Variants in NIPBL observed in about 807,000 individuals in gnomAD.
NIPBL encodes nipped-B-like protein.
NIPBL carries 19 observed loss-of-function variants against 321.8 expected under a neutral mutation model. The observed-to-expected ratio is 0.06, with a 90% CI of 0.04 to 0.09. The LOEUF is 0.09. Ranked by LOEUF, NIPBL falls within the 10% of genes least tolerant of loss-of-function variation. The pLI is 1.00. For missense variants in NIPBL, 2,210 were observed against 3,327.0 expected (o/e 0.66, Z 8.26); for synonymous variants, 1,106 against 1,114.1 (o/e 0.99, Z 0.14).
At chr5:36,939,969 G>A (rs946844393) in intron 1 of NIPBL, among the ~76,000 whole-genome samples, 4 of 152,138 alleles carry the variant, frequency 2.6e-5, no homozygotes, top group Admixed American at 6.6e-5. Context: ...ACCATAGCAC[G>A]AATAAAGCAG....
rs987497142 is a variant in NIPBL at position 36,939,556 on chromosome 5, T to A, written c.-79-14062T>A. ...TAACCATTCTGCATTGAAGGACATT[T>A]GTTTCCAGCTTTTCGCTATTATGAA... On this transcript the variant is annotated intron_variant, in intron 1 of 46. Transcript: ENST00000282516. 3.9e-5 allele frequency among the ~76,000 whole-genome samples: 6 copies of A among 152,362 alleles called. No homozygotes were observed. In the East Asian group the frequency reaches 1.2e-3, roughly 29 times the overall value.
intron 4 of NIPBL, among the ~76,000 whole-genome samples, chr5:36,958,792 T>C (rs1194078525): frequency 6.6e-6 from 1 of 152,208 alleles, no homozygotes; most frequent in Non-Finnish European, 1.5e-5. Context: ...AGCATTGTTC[T>C]GTTCAAGCTT....
rs755606647 is a variant in NIPBL, at chr5:37,051,862, C to G, written c.7038C>G (p.Asp2346Glu). 1 of 1,612,642 alleles carries G rather than the reference C, an allele frequency of 6.2e-7. No individual in the cohort carries two copies. Among genetic ancestry groups the G allele is most frequent in the East Asian group, 2.2e-5 (1 of 44,856 alleles). Reference sequence around the variant, plus strand: ...CTGATCAGCAACTTGTGGAAATAGACAAAAAATATGCTGGATTCATTCATG... The same window carrying G: ...CTGATCAGCAACTTGTGGAAATAGAGAAAAAATATGCTGGATTCATTCATG... The part of the protein sequence containing the change: ...NKADQQLVEI[D>E]KKYAGFIHMK... The change falls in exon 41 of 47, where the codon GAC (aspartate) becomes GAG (glutamate). Residue 2346 changes from aspartate (D) to glutamate (E), a missense_variant. Asp to Glu is a conservative substitution (Grantham distance 45). Transcript: ENST00000282516.
intron 1 of NIPBL, among the ~76,000 whole-genome samples, chr5:36,912,055 A>G (rs1748090688): frequency 6.6e-6 from 1 of 152,232 alleles, no homozygotes; most frequent in African/African-American, 2.4e-5. Flanking sequence ...AACTGTACAG[A>G]TAGTAACACC....
Position 37,019,327 on chromosome 5 carries a change from A to T in NIPBL, c.4937A>T (p.Asp1646Val). The T allele has an allele frequency of 6.2e-7, 1 of 1,611,786 alleles. No homozygotes were observed. Among genetic ancestry groups the T allele is most frequent in the East Asian group, 2.2e-5 (1 of 44,760 alleles). Reference protein sequence around the residue: ...RILKQVSGGEDEIQQLQKALL... With the variant: ...RILKQVSGGEVEIQQLQKALL... ...ATTCTATAGGTTTCAGGAGGGGAAG[A>T]TGAAATCCAACAATTACAAAAAGCA... Residue 1646 changes from aspartate (D) to valine (V), a missense_variant, in exon 25 of 47, where the codon GAT (aspartate) becomes GTT (valine). Physicochemically the swap from Asp to Val is radical, Grantham distance 152. Around this residue, in one of 14 missense-constraint regions of NIPBL, gnomAD observed 138 missense variants for 175.8 expected, o/e 0.79. Coordinates refer to ENST00000282516, the MANE Select transcript of NIPBL (RefSeq NM_133433.4).
chr5:36,942,432 T>TAAA (rs33935189), intron 1 of NIPBL, among the ~76,000 whole-genome samples: 5,571 of 59,654 alleles, frequency 0.093, 375 homozygotes, highest in East Asian at 0.2. Flanking sequence ...ACTCTGTCTT[T>TAAA]AAAAAAAAAA....
At chr5:36,956,333 C>G (rs1234459819) in intron 3 of NIPBL, among the ~76,000 whole-genome samples, 1 of 152,068 alleles carries the variant, frequency 6.6e-6, no homozygotes, top group Non-Finnish European at 1.5e-5. Context: ...CCTTCATATT[C>G]CACCACACAA....
chr5:37,050,479 C>CA (rs370627067), intron 40 of NIPBL, among the ~76,000 whole-genome samples: 15,531 of 81,940 alleles, frequency 0.19, 1,018 homozygotes, highest in Admixed American at 0.28. Context: ...GACTCCATCT[C>CA]AAAAAAAAAA....
chr5:37,026,014 C>T (rs904826299), intron 30 of NIPBL, among the ~76,000 whole-genome samples: 3 of 151,828 alleles, frequency 2.0e-5, no homozygotes, highest in Non-Finnish European at 4.4e-5. Flanking sequence ...ATCACCCATT[C>T]GTATTGTTTA....
chr5:36,981,849 A>G (rs1744181497), intron 9 of NIPBL, among the ~76,000 whole-genome samples: 1 of 151,784 alleles, frequency 6.6e-6, no homozygotes, highest in South Asian at 2.1e-4. Context: ...ACCTACTGTC[A>G]TTTGGAATAA....
At chr5:36,984,440 T>C (rs1411111075) in intron 9 of NIPBL, among the ~76,000 whole-genome samples, 1 of 152,144 alleles carries the variant, frequency 6.6e-6, no homozygotes, top group African/African-American at 2.4e-5. Context: ...TTAAAGAGTA[T>C]GCAGTTAAAT....
At chr5:36,961,251 T>A (rs866020024) in intron 4 of NIPBL, among the ~76,000 whole-genome samples, 28 of 152,218 alleles carry the variant, frequency 1.8e-4, no homozygotes, top group Admixed American at 9.2e-4. Context: ...TAAATTTTTT[T>A]AAAATATTAT....
chr5:36,908,740 T>C (rs1275926384), intron 1 of NIPBL, among the ~76,000 whole-genome samples: 1 of 152,130 alleles, frequency 6.6e-6, no homozygotes, highest in Non-Finnish European at 1.5e-5. Flanking sequence ...GCATTAAATC[T>C]TGGAAAGCAA....
At chr5:36,905,686 T>G (rs1747576119) in intron 1 of NIPBL, among the ~76,000 whole-genome samples, 1 of 152,126 alleles carries the variant, frequency 6.6e-6, no homozygotes, top group Admixed American at 6.5e-5. Flanking sequence ...GCGCAATATT[T>G]CTGAAATTTA....
At position 36,975,888 on chromosome 5, in the gene NIPBL, G is replaced by A; in HGVS notation, c.981G>A (p.Lys327=). 1 of 1,611,940 alleles carries A rather than the reference G, an allele frequency of 6.2e-7. No homozygotes were observed. The highest frequency in any genetic ancestry group is 8.5e-7 in the Non-Finnish European group (1 of 1,179,098). The part of the protein sequence containing the change: ...DSPERKQKKQ[K]KMKLGKDEKE... Reference sequence around the variant, plus strand: ...CAGAAAGAAAACAAAAGAAGCAGAAGAAAATGAAATTAGGCAAGGATGAAA... The same window carrying A: ...CAGAAAGAAAACAAAAGAAGCAGAAAAAAATGAAATTAGGCAAGGATGAAA... The change falls in exon 9 of 47, where the codon AAG becomes AAA. Residue 327 remains lysine, a synonymous_variant. Transcript: ENST00000282516.
In NIPBL at chr5:37,036,473, A is replaced by G; in HGVS notation, c.5957A>G (p.Glu1986Gly). The change falls in exon 33 of 47, where the codon GAG becomes GGG. Residue 1986 changes from glutamate to glycine, a missense_variant. This residue lies in a region of NIPBL where 69 missense variants were observed against 100.8 expected (regional missense o/e 0.68). Transcript: ENST00000282516. ...CTAGTTGAGCACATTCTTAAATATG[A>G]GGAATCTCTAGCTGGTAAGACATTT... Reference protein sequence around the residue: ...DNLVEHILKYEESLADSDNKG... With the variant: ...DNLVEHILKYGESLADSDNKG... 7.2e-7 allele frequency: 1 copy of G among 1,393,922 alleles called. No individual in the cohort carries two copies. Among genetic ancestry groups the G allele is most frequent in the Non-Finnish European group, 9.7e-7 (1 of 1,033,528 alleles). The allele number at this position is 1,393,922 out of a possible 1,614,324, so 86.3% of individuals were successfully genotyped here.
intron 45 of NIPBL, among the ~76,000 whole-genome samples, chr5:37,061,485 C>G (rs554554837): frequency 3.3e-5 from 5 of 152,252 alleles, no homozygotes; most frequent in African/African-American, 1.2e-4. Flanking sequence ...TGAGACCAGC[C>G]TGGGCAACAT....
chr5:36,901,130 G>A (rs1747176125), intron 1 of NIPBL, among the ~76,000 whole-genome samples: 1 of 152,130 alleles, frequency 6.6e-6, no homozygotes, highest in Non-Finnish European at 1.5e-5. Context: ...GGTGTCTCTT[G>A]TTTCCTTCTT....
At chr5:36,878,677 G>T (rs1745278517) in intron 1 of NIPBL, among the ~76,000 whole-genome samples, 1 of 152,166 alleles carries the variant, frequency 6.6e-6, no homozygotes, top group South Asian at 2.1e-4. Context: ...TTAGCGTCCT[G>T]ATTACAATAA....
Sources: gnomAD v4.1 joint callset for allele counts (sites outside exome capture counted in the v4.1 genomes callset) on GRCh38, gnomAD v4.1.1 for gene constraint, gnomAD v4.1.1 regional missense constraint, MANE v1.5 for transcripts, NCBI Gene and HGNC (gene_info 2026-07-23, HGNC 2026-07-21) for gene names.